The following COPG2 variants were observed in gnomAD, a reference collection of about 807,000 sequenced individuals.
COPG2 encodes coatomer subunit gamma-2.
COPG2 carries 37 observed loss-of-function variants against 46.3 expected under a neutral mutation model. That is an observed-to-expected ratio of 0.80 (90% CI 0.61 to 1.05). COPG2 has a LOEUF of 1.05. COPG2 is among the 50% of genes least tolerant of loss of function. COPG2 has a pLI of 0.00. For synonymous variants in COPG2, 159 were observed against 129.7 expected, an observed-to-expected ratio of 1.23 and a Z score of -1.53; for missense variants, 427 against 387.8, an observed-to-expected ratio of 1.10 and a Z score of -0.85.
intron 5 of COPG2, among the ~76,000 whole-genome samples, chr7:130,637,765 T>G (rs1360853113): frequency 6.6e-6 from 1 of 152,148 alleles, no homozygotes; most frequent in African/African-American, 2.4e-5. Context: ...TTTGTTCCCT[T>G]GTTGGCAAGG....
At chr7:130,659,693 A>G (rs1554460404) in intron 4 of COPG2, among the ~76,000 whole-genome samples, 2 of 152,094 alleles carry the variant, frequency 1.3e-5, no homozygotes, top group South Asian at 2.1e-4. Flanking sequence ...GCGGGCAGAT[A>G]AAGAGGTCAG....
chr7:130,606,983 A>G (rs1289534770), intron 9 of COPG2, among the ~76,000 whole-genome samples: 3 of 152,036 alleles, frequency 2.0e-5, no homozygotes, highest in African/African-American at 4.8e-5. Context: ...GTGCACACCT[A>G]TAATACCAGC....
intron 5 of COPG2, among the ~76,000 whole-genome samples, chr7:130,636,018 T>A (rs1446136406): frequency 1.3e-5 from 2 of 152,184 alleles, no homozygotes; most frequent in Non-Finnish European, 2.9e-5. Flanking sequence ...ATGGTTTGAG[T>A]GAGTTTCTTA....
chr7:130,625,596 T>A (rs1482499051), intron 5 of COPG2, among the ~76,000 whole-genome samples: 1 of 152,030 alleles, frequency 6.6e-6, no homozygotes, highest in Admixed American at 6.6e-5. Context: ...TTTCAAAGAC[T>A]ACAAATTTGT....
intron 9 of COPG2, among the ~76,000 whole-genome samples, chr7:130,582,585 T>A (rs1412579209): frequency 6.7e-6 from 1 of 150,070 alleles, no homozygotes; most frequent in Non-Finnish European, 1.5e-5. Context: ...AGAAAATTTT[T>A]GCAACCTACT....
intron 20 of COPG2, among the ~76,000 whole-genome samples, chr7:130,546,536 C>A (rs944162903): frequency 2.0e-5 from 3 of 152,116 alleles, no homozygotes; most frequent in Non-Finnish European, 4.4e-5. Context: ...GGTTATGGAT[C>A]CAGGGTGGCT....
intron 10 of COPG2, among the ~76,000 whole-genome samples, chr7:130,563,616 A>C (rs1793752432): frequency 1.3e-5 from 2 of 151,564 alleles, no homozygotes; most frequent in African/African-American, 4.8e-5. Flanking sequence ...TAGAAAAAGC[A>C]CTTTTGGGGC....
chr7:130,614,129 T>C (rs1279201256), intron 6 of COPG2, among the ~76,000 whole-genome samples: 2 of 152,098 alleles, frequency 1.3e-5, no homozygotes, highest in African/African-American at 4.8e-5. Context: ...TAGTGAGCCC[T>C]CAACATAAAA....
intron 9 of COPG2, among the ~76,000 whole-genome samples, chr7:130,591,512 G>A (rs1277380243): frequency 5.4e-4 from 57 of 105,864 alleles, no homozygotes; most frequent in African/African-American, 1.7e-3. Flanking sequence ...CGCCCCATCC[G>A]GGAGGTGAGG....
intron 20 of COPG2, among the ~76,000 whole-genome samples, chr7:130,529,802 CA>C (rs1384750076): frequency 6.6e-6 from 1 of 152,176 alleles, no homozygotes; most frequent in Non-Finnish European, 1.5e-5. Flanking sequence ...AGTGTGTTTG[CA>C]AAGGCCAGAG....
chr7:130,623,063 T>C (rs911500554), intron 5 of COPG2, among the ~76,000 whole-genome samples: 1 of 152,154 alleles, frequency 6.6e-6, no homozygotes, highest in Admixed American at 6.5e-5. Context: ...CTGGCTCAGT[T>C]TGTGGCCCTG....
chr7:130,592,263 G>A (rs1254521813), intron 9 of COPG2, among the ~76,000 whole-genome samples: 1 of 152,070 alleles, frequency 6.6e-6, no homozygotes, highest in Non-Finnish European at 1.5e-5. Flanking sequence ...CACAAACACT[G>A]TGGAAGGCCA....
At chr7:130,614,816 A>G (rs1794919276) in intron 6 of COPG2, among the ~76,000 whole-genome samples, 1 of 152,230 alleles carries the variant, frequency 6.6e-6, no homozygotes, top group East Asian at 1.9e-4. Flanking sequence ...TTCATAGGGA[A>G]GTTGAAGATC....
intron 9 of COPG2, among the ~76,000 whole-genome samples, chr7:130,588,296 G>C (rs576050390): frequency 5.3e-5 from 8 of 151,940 alleles, no homozygotes; most frequent in Admixed American, 3.3e-4. Context: ...CCATTACTGG[G>C]TATATATCCA....
intron 4 of COPG2, among the ~76,000 whole-genome samples, chr7:130,657,969 A>G (rs1795889855): frequency 6.6e-6 from 1 of 152,210 alleles, no homozygotes; most frequent in African/African-American, 2.4e-5. Flanking sequence ...AATATTTTAG[A>G]AAAATGGGTT....
At chr7:130,624,527 G>T (rs975796313) in intron 5 of COPG2, among the ~76,000 whole-genome samples, 1 of 151,996 alleles carries the variant, frequency 6.6e-6, no homozygotes, top group Non-Finnish European at 1.5e-5. Flanking sequence ...CCCAAGCAGT[G>T]TACACGGTAC....
At position 130,506,656 on chromosome 7, in the gene COPG2, T is replaced by C. The variant is rs368913054; in HGVS notation, c.*20A>G. On this transcript the variant is annotated 3_prime_UTR_variant, in exon 24 of 24. Coordinates refer to ENST00000425248, the MANE Select transcript of COPG2 (RefSeq NM_012133.6). ...ACTGACCATGTAGTGTGCATCAGTT[T>C]CCTCTTGTCCAGTAAGCATTTATCC... 1.3e-6 allele frequency: 1 copy of C among 776,224 alleles called. No individual in the cohort carries two copies. Among genetic ancestry groups the C allele is most frequent in the Non-Finnish European group, 2.4e-6 (1 of 415,740 alleles). 48.1% of individuals were successfully genotyped at this position (776,224 alleles called of 1,614,324 possible). A position where few individuals can be genotyped will look rare whatever the true frequency, so the allele number is the denominator to read the frequency against.
intron 5 of COPG2, among the ~76,000 whole-genome samples, chr7:130,618,164 G>A (rs1445847700): frequency 6.7e-6 from 1 of 149,506 alleles, no homozygotes; most frequent in African/African-American, 2.5e-5. Context: ...TTTGTAGCGT[G>A]GGCATTTTTC....
chr7:130,636,338 T>C (rs952911988), intron 5 of COPG2, among the ~76,000 whole-genome samples: 3 of 152,172 alleles, frequency 2.0e-5, no homozygotes, highest in African/African-American at 7.2e-5. Context: ...TGTGGGAGTC[T>C]AGGTCTCTTT....
Sources: gnomAD v4.1 joint callset for allele counts (sites outside exome capture counted in the v4.1 genomes callset) on GRCh38, gnomAD v4.1.1 for gene constraint, MANE v1.5 for transcripts, NCBI Gene and HGNC (gene_info 2026-07-23, HGNC 2026-07-21) for gene names.